TTC28: variants seen among roughly 807,000 people sequenced by gnomAD.
TTC28 encodes tetratricopeptide repeat domain 28, also known as tetratricopeptide repeat protein 28.
A neutral mutation model predicts 198.0 loss-of-function variants in TTC28; 61 were observed. That is an observed-to-expected ratio of 0.31 (90% confidence interval 0.25 to 0.38). The LOEUF (loss-of-function observed/expected upper bound fraction) is 0.38, where lower values mean the gene tolerates loss of function less well. TTC28 is among the 10% of genes least tolerant of loss of function. The pLI is 1.00. For synonymous variants in TTC28, 1,171 were observed against 1,297.8 expected, an observed-to-expected ratio of 0.90 and a Z score of 2.10; for missense variants, 2,678 against 3,164.0, an observed-to-expected ratio of 0.85 and a Z score of 3.69.
At chr22:28,032,858 G>C (rs117527188) in intron 12 of TTC28, among the ~76,000 whole-genome samples, 1 of 152,152 alleles carries the variant, frequency 6.6e-6, no homozygotes, top group African/African-American at 2.4e-5. Flanking sequence ...TTCTAGCATC[G>C]AAACAAATCA....
intron 2 of TTC28, among the ~76,000 whole-genome samples, chr22:28,370,249 G>A (rs2046311777): frequency 6.6e-6 from 1 of 152,144 alleles, no homozygotes; most frequent in South Asian, 2.1e-4. Context: ...TTCTTAACAA[G>A]CTCTCATTAG....
intron 2 of TTC28, among the ~76,000 whole-genome samples, chr22:28,310,530 C>G (rs2045237861): frequency 6.6e-6 from 1 of 152,150 alleles, no homozygotes; most frequent in Non-Finnish European, 1.5e-5. Context: ...ATTCCTGGTT[C>G]AGAATTCCAA....
intron 2 of TTC28, among the ~76,000 whole-genome samples, chr22:28,361,845 G>A (rs2046163999): frequency 6.6e-6 from 1 of 152,146 alleles, no homozygotes; most frequent in Admixed American, 6.5e-5. Flanking sequence ...GGGCCTTTAA[G>A]AATTATGCTG....
intron 2 of TTC28, among the ~76,000 whole-genome samples, chr22:28,504,008 G>A (rs1031814287): frequency 3.3e-5 from 5 of 152,196 alleles, no homozygotes; most frequent in African/African-American, 1.2e-4. Context: ...TTACGCTTGA[G>A]TCAATAGACT....
intron 2 of TTC28, among the ~76,000 whole-genome samples, chr22:28,339,819 C>T (rs151303979): frequency 0.011 from 1,733 of 152,214 alleles, 17 homozygotes; most frequent in Admixed American, 0.018. Context: ...AAAGGGAATT[C>T]CCTGACCCCT....
chr22:27,979,907 A>T lies in TTC28; in HGVS notation c.*2314T>A, dbSNP rs1020165020. On this transcript the variant is annotated 3_prime_UTR_variant, in exon 23 of 23. Transcript: ENST00000397906. ...TTTAAGACAGAATAAAACCACATAA[A>T]CCATTGGCTCTTCAGTATGAAACCT... is the stretch of plus-strand genomic sequence containing the variant. 3 of 152,198 alleles carry T rather than the reference A, an allele frequency of 2.0e-5. No homozygotes were observed. Among genetic ancestry groups the T allele is most frequent in the Non-Finnish European group, 1.5e-5 (1 of 68,036 alleles). 9.4% of individuals were successfully genotyped at this position (152,198 alleles called of 1,614,324 possible).
At position 28,388,166 on chromosome 22, in the gene TTC28, G is replaced by A. The variant is rs571976723; in HGVS notation, c.382-81523C>T. On this transcript the variant is annotated intron_variant, in intron 2 of 22. Coordinates refer to ENST00000397906, the MANE Select transcript of TTC28 (RefSeq NM_001145418.2). ...GATCAGATAGTTGTAGATATGCGGC[G>A]TTATTTCTGAGGGCTCTATTCTGTT... Among the ~76,000 whole-genome samples the A allele has an allele frequency of 5.3e-4, 80 of 152,148 alleles. 1 individual carries two copies. Among genetic ancestry groups the A allele is most frequent in the Admixed American group, 9.2e-4 (14 of 15,280 alleles).
chr22:28,531,858 C>T (rs1008048497), intron 2 of TTC28, among the ~76,000 whole-genome samples: 1 of 152,090 alleles, frequency 6.6e-6, no homozygotes, highest in Admixed American at 6.6e-5. Context: ...TCTTTGAAAC[C>T]AATGAGAACA....
intron 6 of TTC28, among the ~76,000 whole-genome samples, chr22:28,141,817 C>G (rs925476642): frequency 6.6e-6 from 1 of 152,144 alleles, no homozygotes; most frequent in African/African-American, 2.4e-5. Context: ...CCTCCCACAT[C>G]AAACAGTTAA....
chr22:28,123,657 C>G (rs1942845944), intron 6 of TTC28, among the ~76,000 whole-genome samples: 1 of 152,138 alleles, frequency 6.6e-6, no homozygotes, highest in African/African-American at 2.4e-5. Flanking sequence ...TTTATTCAAC[C>G]CCTTTCTCCC....
intron 1 of TTC28, among the ~76,000 whole-genome samples, chr22:28,639,709 T>TTGTGAGGACTCCACAGCCAGGTGAAAC (rs1444260561): frequency 6.6e-6 from 1 of 152,210 alleles, no homozygotes; most frequent in African/African-American, 2.4e-5. Flanking sequence ...TCCACCATGA[T>TTGTGAGGACTCCACAGCCAGGTGAAAC]TGTGAGGACT....
At chr22:28,655,635 G>A (rs1208619962) in intron 1 of TTC28, among the ~76,000 whole-genome samples, 3 of 152,250 alleles carry the variant, frequency 2.0e-5, no homozygotes, top group South Asian at 2.1e-4. Context: ...AGGCCCAGGC[G>A]GGCGGATCAC....
chr22:28,003,547 G>A (rs112402823), intron 14 of TTC28, among the ~76,000 whole-genome samples: 4 of 152,246 alleles, frequency 2.6e-5, no homozygotes, highest in African/African-American at 9.6e-5. Flanking sequence ...CCAAACCACA[G>A]TAAGTTTCTG....
At chr22:28,573,838 T>C (rs968791956) in intron 2 of TTC28, among the ~76,000 whole-genome samples, 4 of 151,792 alleles carry the variant, frequency 2.6e-5, no homozygotes, top group Admixed American at 2.6e-4. Flanking sequence ...CATTCCCACT[T>C]CCCCCCACCC....
chr22:28,285,079 G>C (rs965379066), intron 5 of TTC28, among the ~76,000 whole-genome samples: 6 of 152,202 alleles, frequency 3.9e-5, no homozygotes, highest in African/African-American at 1.4e-4. Flanking sequence ...CCAAGATATG[G>C]AAACAACCTA....
At chr22:28,300,924 ACATAGCCT>A (rs1433927386) in intron 3 of TTC28, among the ~76,000 whole-genome samples, 13 of 152,224 alleles carry the variant, frequency 8.5e-5, no homozygotes, top group African/African-American at 2.9e-4. Context: ...TTTAAAAGTC[ACATAGCCT>A]CAGTCTCTCA....
chr22:28,556,904 A>C (rs2145981169), intron 2 of TTC28, among the ~76,000 whole-genome samples: 1 of 152,330 alleles, frequency 6.6e-6, no homozygotes, highest in African/African-American at 2.4e-5. Flanking sequence ...TGACCTCACA[A>C]CATGGTGATT....
At chr22:28,015,856 G>A (rs1332708646) in intron 13 of TTC28, among the ~76,000 whole-genome samples, 1 of 151,656 alleles carries the variant, frequency 6.6e-6, no homozygotes, top group East Asian at 1.9e-4. Context: ...TAGGTACTCT[G>A]GCTACTGGCA....
chr22:28,283,049 C>G (rs2044614806), intron 5 of TTC28, among the ~76,000 whole-genome samples: 1 of 152,136 alleles, frequency 6.6e-6, no homozygotes, highest in Non-Finnish European at 1.5e-5. Context: ...ACAAAGAACA[C>G]AATCAAGAAA....
Sources: allele counts gnomAD v4.1 joint callset (sites outside exome capture counted in the v4.1 genomes callset), GRCh38; gene constraint gnomAD v4.1.1; transcripts MANE v1.5; gene names NCBI Gene and HGNC (gene_info 2026-07-23, HGNC 2026-07-21).